MBOAT1: variants seen among roughly 807,000 people sequenced by gnomAD.
The protein encoded by MBOAT1 is membrane-bound glycerophospholipid O-acyltransferase 1.
In MBOAT1, 67 loss-of-function variants were observed where a neutral mutation model predicts 64.4. The observed-to-expected ratio is 1.04, with a 90% confidence interval of 0.85 to 1.27. The LOEUF is 1.27. MBOAT1 is among the 50% of genes most tolerant of loss of function. MBOAT1 has a pLI of 0.00. For missense variants in MBOAT1, 563 were observed against 604.6 expected, an observed-to-expected ratio of 0.93 and a Z score of 0.72; for synonymous variants, 229 against 218.9, an observed-to-expected ratio of 1.05 and a Z score of -0.41.
intron 1 of MBOAT1, among the ~76,000 whole-genome samples, chr6:20,158,168 A>G (rs74544620): frequency 0.25 from 1,380 of 5,452 alleles, 36 homozygotes; most frequent in East Asian, 0.5. Context: ...AAAAAAAAAG[A>G]AAAAAAAAAA....
At chr6:20,123,970 T>C (rs1165053637) in intron 8 of MBOAT1, among the ~76,000 whole-genome samples, 1 of 152,106 alleles carries the variant, frequency 6.6e-6, no homozygotes, top group Non-Finnish European at 1.5e-5. Context: ...GGCAGGAGAA[T>C]GGCATTAACC....
At chr6:20,190,242 C>G (rs1019580469) in intron 1 of MBOAT1, among the ~76,000 whole-genome samples, 8 of 152,146 alleles carry the variant, frequency 5.3e-5, no homozygotes, top group African/African-American at 1.7e-4. Flanking sequence ...ATTCACCCAC[C>G]TTGGCCTCCC....
intron 1 of MBOAT1, among the ~76,000 whole-genome samples, chr6:20,207,405 C>A (rs1763295671): frequency 6.6e-6 from 1 of 152,178 alleles, no homozygotes; most frequent in Non-Finnish European, 1.5e-5. Flanking sequence ...CCCTGATATT[C>A]AAATTCAGCA....
intron 8 of MBOAT1, among the ~76,000 whole-genome samples, chr6:20,119,049 T>C (rs1356549603): frequency 2.0e-5 from 3 of 152,110 alleles, no homozygotes; most frequent in Admixed American, 6.5e-5. Flanking sequence ...GCAAGAGTGA[T>C]TGGAGCTCTT....
intron 1 of MBOAT1, among the ~76,000 whole-genome samples, chr6:20,201,642 G>A (rs372998245): frequency 2.7e-5 from 4 of 150,668 alleles, no homozygotes; most frequent in South Asian, 2.1e-4. Flanking sequence ...GTGCAGTGGC[G>A]TGATCTCAGC....
At position 20,111,871 on chromosome 6, in the gene MBOAT1, T is replaced by TATATATATACATATATATAC. The variant is rs1206096211; in HGVS notation, c.1209+1004_1209+1005insGTATATATATGTATATATAT. On this transcript the variant is annotated intron_variant, in intron 11 of 12. Transcript: ENST00000324607. ...ACATATATATATACATATATATACA[T>TATATATATACATATATATAC]ATATATATGTATATATATATATTCC... Among the ~76,000 whole-genome samples the TATATATATACATATATATAC allele has an allele frequency of 3.6e-3, 499 of 137,388 alleles. 41 individuals carry two copies. The highest frequency in any genetic ancestry group is 0.013 in the African/African-American group (464 of 34,880). 90.1% of individuals were successfully genotyped at this position (137,388 alleles called of 152,430 possible).
At chr6:20,180,737 C>T (rs1762484384) in intron 1 of MBOAT1, among the ~76,000 whole-genome samples, 1 of 152,290 alleles carries the variant, frequency 6.6e-6, no homozygotes, top group African/African-American at 2.4e-5. Flanking sequence ...CTCTATTTTA[C>T]CACTTAGCAA....
chr6:20,139,462 G>A lies in MBOAT1; in HGVS notation c.419+4758C>T, dbSNP rs1319012791. On this transcript the variant is annotated intron_variant, in intron 4 of 12. Coordinates refer to ENST00000324607, the MANE Select transcript of MBOAT1 (RefSeq NM_001080480.3). ...TCTGCAAAGACTATTTCCAAATAAG[G>A]ACATATTCTGAGGTGCTGGGTGGAC... Among the ~76,000 whole-genome samples the A allele has an allele frequency of 4.0e-5, 6 of 151,040 alleles. No homozygotes were observed. The East Asian group carries it at 9.8e-4, about 25-fold the overall frequency.
At chr6:20,127,736 G>A (rs1359909051) in intron 6 of MBOAT1, among the ~76,000 whole-genome samples, 1 of 152,102 alleles carries the variant, frequency 6.6e-6, no homozygotes, top group East Asian at 1.9e-4. Flanking sequence ...CTACATTATG[G>A]TGAGTTGTAT....
chr6:20,174,511 C>T (rs1762287988), intron 1 of MBOAT1, among the ~76,000 whole-genome samples: 2 of 152,142 alleles, frequency 1.3e-5, no homozygotes, highest in South Asian at 2.1e-4. Context: ...CTGTCCAGGG[C>T]ATTTACCATG....
intron 4 of MBOAT1, among the ~76,000 whole-genome samples, chr6:20,132,356 A>C (rs1162179892): frequency 6.6e-6 from 1 of 152,242 alleles, no homozygotes; most frequent in East Asian, 1.9e-4. Flanking sequence ...ATAAAGTAGA[A>C]GATACATTTG....
chr6:20,163,592 G>A (rs1761926732), intron 1 of MBOAT1, among the ~76,000 whole-genome samples: 1 of 152,072 alleles, frequency 6.6e-6, no homozygotes, highest in East Asian at 1.9e-4. Context: ...TTTAATCTCA[G>A]GGAGTCTGGT....
intron 8 of MBOAT1, among the ~76,000 whole-genome samples, chr6:20,121,692 C>A (rs1450123099): frequency 6.6e-6 from 1 of 152,012 alleles, no homozygotes; most frequent in Non-Finnish European, 1.5e-5. Flanking sequence ...CAGAAGCTAG[C>A]CCTTAAGCCC....
At chr6:20,152,167 T>C (rs1241098082) in intron 2 of MBOAT1, among the ~76,000 whole-genome samples, 1 of 150,492 alleles carries the variant, frequency 6.6e-6, no homozygotes, top group East Asian at 1.9e-4. Flanking sequence ...CTAAAAAAAA[T>C]ACAAAAAAAA....
At chr6:20,211,979 C>A (rs1054448632) in intron 1 of MBOAT1, 157 bp downstream of exon 1, 7 of 563,192 alleles carry the variant, frequency 1.2e-5, no homozygotes, top group African/African-American at 5.4e-5. Flanking sequence ...AACACACACA[C>A]ACACACACAC....
At chr6:20,117,878 C>T (rs1047715166) in intron 9 of MBOAT1, among the ~76,000 whole-genome samples, 3 of 152,118 alleles carry the variant, frequency 2.0e-5, no homozygotes, top group East Asian at 3.9e-4. Context: ...TGATGTGGCC[C>T]CAAGGAGCCA....
At position 20,152,343 on chromosome 6, in the gene MBOAT1, AAAT is replaced by A. The variant is rs1247979108; in HGVS notation, c.245+278_245+280del. 4.9e-4 allele frequency among the ~76,000 whole-genome samples: 18 copies of A among 36,800 alleles called. No homozygotes were observed. The East Asian group carries it at 0.015, about 32-fold the overall frequency. The allele number at this position is 36,800 out of a possible 152,430, so 24.1% of individuals were successfully genotyped here. A position where few individuals can be genotyped will look rare whatever the true frequency, so the allele number is the denominator to read the frequency against. On this transcript the variant is annotated intron_variant, in intron 2 of 12. Transcript: ENST00000324607. ...CTCCGTCTCAAAAAAAAAAAATAAA[AAAT>A]AAATAAATAAATAAATAAATTAATT... is the stretch of plus-strand genomic sequence containing the variant.
At chr6:20,154,193 C>T (rs1399783025) in intron 1 of MBOAT1, among the ~76,000 whole-genome samples, 1 of 152,174 alleles carries the variant, frequency 6.6e-6, no homozygotes, top group Non-Finnish European at 1.5e-5. Flanking sequence ...CTTTGTAACT[C>T]GTAGAAAATA....
At chr6:20,207,947 T>C (rs1232859766) in intron 1 of MBOAT1, among the ~76,000 whole-genome samples, 2 of 152,160 alleles carry the variant, frequency 1.3e-5, no homozygotes, top group Admixed American at 1.3e-4. Context: ...GGGACCTTGA[T>C]TTTTTTCATC....
Sources: gnomAD v4.1 joint callset for allele counts (sites outside exome capture counted in the v4.1 genomes callset) on GRCh38, gnomAD v4.1.1 for gene constraint, MANE v1.5 for transcripts, NCBI Gene and HGNC (gene_info 2026-07-23, HGNC 2026-07-21) for gene names.